CPLX4: variants seen among roughly 807,000 people sequenced by gnomAD.
The protein encoded by CPLX4 is complexin 4, also known as complexin-4.
In CPLX4, 17 loss-of-function variants were observed where a neutral mutation model predicts 16.1. The observed-to-expected ratio is 1.06, with a 90% confidence interval of 0.72 to 1.59. The LOEUF (loss-of-function observed/expected upper bound fraction) is 1.59. Ranked by LOEUF, CPLX4 falls within the 40% of genes most tolerant of loss-of-function variation. CPLX4 has a pLI of 0.00. For missense variants in CPLX4, 193 were observed against 192.9 expected (o/e 1.00, Z 0.00); for synonymous variants, 55 against 57.8 (o/e 0.95, Z 0.22).
chr18:59,318,606 C>T lies in CPLX4; in HGVS notation c.-144G>A. The T allele has an allele frequency of 1.5e-6, 2 of 1,372,238 alleles. No homozygotes were observed. Among genetic ancestry groups the T allele is most frequent in the Non-Finnish European group, 1.9e-6 (2 of 1,046,720 alleles). 85.0% of individuals were successfully genotyped at this position (1,372,238 alleles called of 1,614,324 possible). A position where few individuals can be genotyped will look rare whatever the true frequency, so the allele number is the denominator to read the frequency against. On this transcript the variant is annotated 5_prime_UTR_variant, in exon 1 of 3. Transcript: ENST00000299721. Reference sequence around the variant, plus strand: ...AGGACTTTGCACAACCTCATCTATTCAAGGGCATACTGATAGAGAAGAGTG... The same window carrying T: ...AGGACTTTGCACAACCTCATCTATTTAAGGGCATACTGATAGAGAAGAGTG...
chr18:59,298,669 T>C (rs2070519575), intron 2 of CPLX4, among the ~76,000 whole-genome samples: 1 of 152,154 alleles, frequency 6.6e-6, no homozygotes, highest in Non-Finnish European at 1.5e-5. Context: ...CTGGGTGCTA[T>C]GTAGGAATGA....
chr18:59,306,876 G>A (rs1394089706), intron 2 of CPLX4, among the ~76,000 whole-genome samples: 1 of 152,190 alleles, frequency 6.6e-6, no homozygotes, highest in African/African-American at 2.4e-5. Flanking sequence ...TTAGCTGGAG[G>A]ACATGTTAAA....
At chr18:59,297,285 T>C (rs1398082013) in intron 2 of CPLX4, among the ~76,000 whole-genome samples, 1 of 152,056 alleles carries the variant, frequency 6.6e-6, no homozygotes, top group African/African-American at 2.4e-5. Flanking sequence ...GGAATTTTTT[T>C]TTTTTTTTTG....
At chr18:59,312,867 G>T (rs2070627096) in intron 1 of CPLX4, 95 bp from the exon 2 acceptor site, 3 of 632,290 alleles carry the variant, frequency 4.7e-6, no homozygotes, top group Non-Finnish European at 8.3e-6. Flanking sequence ...TACACCTTCT[G>T]AGATGCCACT....
intron 2 of CPLX4, among the ~76,000 whole-genome samples, chr18:59,309,977 G>A (rs192592860): frequency 1.1e-4 from 16 of 152,256 alleles, no homozygotes; most frequent in Non-Finnish European, 2.1e-4. Flanking sequence ...CAGGAGATGT[G>A]GCTTATTGCA....
At chr18:59,307,196 CT>C (rs1390537244) in intron 2 of CPLX4, among the ~76,000 whole-genome samples, 1 of 152,166 alleles carries the variant, frequency 6.6e-6, no homozygotes, top group Non-Finnish European at 1.5e-5. Context: ...TCACAGCAAG[CT>C]TTGTGACCTT....
rs369143524 is a variant in CPLX4 at position 59,318,507 on chromosome 18, G to GAA, written c.-47_-46dup. On this transcript the variant is annotated 5_prime_UTR_variant, in exon 1 of 3. Coordinates refer to ENST00000299721, the MANE Select transcript of CPLX4 (RefSeq NM_181654.4). ...TAAAACCAAAATTCAGACAAAAGCT[G>GAA]AAAAAAAAAATCCAAACAAACCCAA... 6,071 of 1,479,236 alleles carry GAA rather than the reference G, an allele frequency of 4.1e-3. 11 individuals carry two copies. Among genetic ancestry groups the GAA allele is most frequent in the African/African-American group, 4.9e-3 (340 of 69,674 alleles). 91.6% of individuals were successfully genotyped at this position (1,479,236 alleles called of 1,614,324 possible).
At chr18:59,304,079 G>GACTTAC (rs2070559501) in intron 2 of CPLX4, among the ~76,000 whole-genome samples, 1 of 152,158 alleles carries the variant, frequency 6.6e-6, no homozygotes, top group African/African-American at 2.4e-5. Context: ...CAACTGTAAT[G>GACTTAC]GAGCTTTCAA....
At chr18:59,307,458 G>A (rs545970325) in intron 2 of CPLX4, among the ~76,000 whole-genome samples, 8 of 152,272 alleles carry the variant, frequency 5.3e-5, no homozygotes, top group African/African-American at 1.9e-4. Flanking sequence ...GCCCCAAAGA[G>A]GGGACTTATA....
At chr18:59,298,748 A>G (rs1237893163) in intron 2 of CPLX4, among the ~76,000 whole-genome samples, 1 of 152,152 alleles carries the variant, frequency 6.6e-6, no homozygotes, top group African/African-American at 2.4e-5. Context: ...TTCATTCTTC[A>G]TCTGGAAAGT....
chr18:59,306,903 T>A (rs2144185555), intron 2 of CPLX4, among the ~76,000 whole-genome samples: 1 of 152,302 alleles, frequency 6.6e-6, no homozygotes, highest in African/African-American at 2.4e-5. Context: ...CAATTCCCTG[T>A]GGGCTGTTAA....
At chr18:59,305,637 A>T (rs1486017296) in intron 2 of CPLX4, among the ~76,000 whole-genome samples, 2 of 152,104 alleles carry the variant, frequency 1.3e-5, no homozygotes, top group African/African-American at 4.8e-5. Flanking sequence ...TTATGGGGAG[A>T]ATGAGCAAGT....
At chr18:59,310,675 G>T (rs755439218) in intron 2 of CPLX4, among the ~76,000 whole-genome samples, 47 of 152,012 alleles carry the variant, frequency 3.1e-4, no homozygotes, top group Non-Finnish European at 1.3e-4. Flanking sequence ...CGTTGTACTA[G>T]GTCCTTTATA....
At chr18:59,308,083 C>T (rs1021223220) in intron 2 of CPLX4, among the ~76,000 whole-genome samples, 1 of 152,064 alleles carries the variant, frequency 6.6e-6, no homozygotes, top group African/African-American at 2.4e-5. Context: ...CGGCCTCTCT[C>T]TAAGGATGGC....
intron 2 of CPLX4, among the ~76,000 whole-genome samples, chr18:59,303,307 A>C (rs747874667): frequency 6.6e-6 from 1 of 152,172 alleles, no homozygotes; most frequent in Non-Finnish European, 1.5e-5. Flanking sequence ...GAAAGTGTGC[A>C]TGCGTTGGGA....
chr18:59,306,657 AT>A (rs2070578505), intron 2 of CPLX4, among the ~76,000 whole-genome samples: 1 of 152,218 alleles, frequency 6.6e-6, no homozygotes, highest in Non-Finnish European at 1.5e-5. Flanking sequence ...CAGCCAAATA[AT>A]TTCTTTAGAA....
Position 59,296,646 on chromosome 18 carries a change from G to A in CPLX4, c.*52C>T. 4 of 1,596,268 alleles carry A rather than the reference G, an allele frequency of 2.5e-6. No homozygotes were observed. Among genetic ancestry groups the A allele is most frequent in the Non-Finnish European group, 8.6e-7 (1 of 1,167,644 alleles). On this transcript the variant is annotated 3_prime_UTR_variant, in exon 3 of 3. Coordinates refer to ENST00000299721, the MANE Select transcript of CPLX4 (RefSeq NM_181654.4). The stretch of plus-strand genomic sequence containing the variant: ...GTACTGCTTGAAACGTCCCACAAGA[G>A]AGTGGTCTTTTCCAAGGATGGCTGG...
At chr18:59,309,822 CAAAAAAAA>C (rs369580193) in intron 2 of CPLX4, among the ~76,000 whole-genome samples, 1 of 87,028 alleles carries the variant, frequency 1.1e-5, no homozygotes, top group African/African-American at 4.4e-5. Flanking sequence ...GACTCTGTGT[CAAAAAAAA>C]AAAAAAAAAA....
intron 2 of CPLX4, among the ~76,000 whole-genome samples, chr18:59,298,435 A>T (rs1286035399): frequency 6.6e-6 from 1 of 152,206 alleles, no homozygotes; most frequent in African/African-American, 2.4e-5. Context: ...CAGAAGATTA[A>T]AAAGAGTGTC....
Sources: allele counts gnomAD v4.1 joint callset (sites outside exome capture counted in the v4.1 genomes callset), GRCh38; gene constraint gnomAD v4.1.1; transcripts MANE v1.5; gene names NCBI Gene and HGNC (gene_info 2026-07-23, HGNC 2026-07-21).